SPTBN4: variants seen among roughly 807,000 people sequenced by gnomAD.
SPTBN4 encodes the protein spectrin beta chain, non-erythrocytic 4.
Under a neutral mutation model 277.8 loss-of-function variants are expected in SPTBN4, and 96 were observed. The ratio of observed to expected loss-of-function variants is 0.35; its 90% confidence interval spans 0.29 to 0.41. The LOEUF is 0.41. Among genes scored for constraint, SPTBN4 ranks in the 10% least tolerant of loss-of-function variants. The probability of loss-of-function intolerance (pLI) is 1.00; values close to 1 mark genes in which losing one functional copy is unlikely to be tolerated. For synonymous variants in SPTBN4, 1,481 were observed against 1,580.3 expected, an observed-to-expected ratio of 0.94 and a Z score of 1.49; for missense variants, 3,006 against 3,595.7, an observed-to-expected ratio of 0.84 and a Z score of 4.19.
rs1054150087 is a variant in SPTBN4, at chr19:40,530,554, C to T, written c.3948+1423C>T. The T allele has an allele frequency of 9.7e-5, 95 of 980,668 alleles. No individual in the cohort carries two copies. In the African/African-American group the frequency reaches 1.5e-3, roughly 15 times the overall value. The allele number at this position is 980,668 out of a possible 1,614,324, so 60.7% of individuals were successfully genotyped here. ...TGAGGGGCGAGCACCCGCCCGCCCG[C>T]TGCAGGGACGCCCCGCCAACGCCAC... On this transcript the variant is annotated intron_variant, in intron 18 of 35. Coordinates refer to ENST00000598249, the MANE Select transcript of SPTBN4 (RefSeq NM_020971.3).
chr19:40,506,478 G>A (rs920748317), intron 13 of SPTBN4, 92 bp downstream of exon 13: 1 of 1,482,146 alleles, frequency 6.7e-7, no homozygotes, highest in African/African-American at 1.4e-5. Context: ...GAAGGAAAGA[G>A]TGAGCTCCTT....
chr19:40,565,290 A>T, intron 27 of SPTBN4, 133 bp from the exon 28 acceptor site: 2 of 1,183,074 alleles, frequency 1.7e-6, no homozygotes, highest in Non-Finnish European at 2.4e-6. Context: ...AGAAAAGAAA[A>T]GAAAAGAAAG....
intron 27 of SPTBN4, among the ~76,000 whole-genome samples, chr19:40,562,350 C>T (rs191174552): frequency 4.6e-5 from 7 of 151,282 alleles, no homozygotes; most frequent in Admixed American, 1.3e-4. Context: ...GCCAATGTGG[C>T]GAAACCCCGC....
chr19:40,510,920 G>A (rs1364885477), intron 13 of SPTBN4, among the ~76,000 whole-genome samples: 3 of 152,170 alleles, frequency 2.0e-5, no homozygotes, highest in Non-Finnish European at 4.4e-5. Flanking sequence ...AGGAAGCTGA[G>A]GCGGGAGGAT....
intron 5 of SPTBN4, among the ~76,000 whole-genome samples, chr19:40,494,268 A>G (rs2080170040): frequency 1.3e-5 from 2 of 151,632 alleles, no homozygotes; most frequent in African/African-American, 4.8e-5. Context: ...CTATCTCTAT[A>G]TCTGCTTTTC....
chr19:40,548,605 C>G (rs1046674614), intron 20 of SPTBN4, among the ~76,000 whole-genome samples: 3 of 151,936 alleles, frequency 2.0e-5, no homozygotes, highest in East Asian at 1.9e-4. Flanking sequence ...ATCCCAGCTA[C>G]TCAGGAGGCT....
At chr19:40,574,353 T>A (rs981271498) in intron 35 of SPTBN4, among the ~76,000 whole-genome samples, 1 of 151,430 alleles carries the variant, frequency 6.6e-6, no homozygotes, top group Non-Finnish European at 1.5e-5. Context: ...CAAGATGCAA[T>A]GAAGAAGTGG....
At position 40,575,767 on chromosome 19, in the gene SPTBN4, C is replaced by A; in HGVS notation, c.*198C>A. 1 of 577,520 alleles carries A rather than the reference C, an allele frequency of 1.7e-6. No homozygotes were observed. Among genetic ancestry groups the A allele is most frequent in the Non-Finnish European group, 2.8e-6 (1 of 362,056 alleles). The allele number at this position is 577,520 out of a possible 1,614,324, so 35.8% of individuals were successfully genotyped here. On this transcript the variant is annotated 3_prime_UTR_variant, in exon 36 of 36. Transcript: ENST00000598249. ...GAGATTGCTGCCCCTATAGCCATAT[C>A]TCGGCCCCTTCCCACTCACCACCCC...
chr19:40,552,478 T>TAA (rs1233536208), intron 22 of SPTBN4, among the ~76,000 whole-genome samples: 1 of 137,420 alleles, frequency 7.3e-6, no homozygotes, highest in Non-Finnish European at 1.6e-5. Flanking sequence ...AAAAAAAGAT[T>TAA]AAAAAAAAAA....
intron 5 of SPTBN4, among the ~76,000 whole-genome samples, chr19:40,493,554 C>T (rs954725211): frequency 2.6e-5 from 4 of 151,902 alleles, no homozygotes; most frequent in Non-Finnish European, 4.4e-5. Flanking sequence ...TTGTTGTTGT[C>T]GTTGTTGTTT....
Position 40,472,720 on chromosome 19 carries a change from G to C in SPTBN4, c.99G>C (p.Glu33Asp). 6.2e-7 allele frequency: 1 copy of C among 1,610,870 alleles called. No individual in the cohort carries two copies. The highest frequency in any genetic ancestry group is 1.1e-5 in the South Asian group (1 of 90,574). Residue 33 changes from glutamate to aspartate, a missense_variant, in exon 2 of 36, where the codon GAG becomes GAC. Physicochemically the swap from Glu to Asp is conservative, Grantham distance 45. Transcript: ENST00000598249. ...GGGAGAGTCCGGATCGGGGCTGGGA[G>C]CGGGAGCAGCCGGCTGCGTCCACCG... The part of the protein sequence containing the change: ...ARWESPDRGW[E>D]REQPAASTAA...
At chr19:40,473,374 T>TTTTTTA (rs2079909466) in intron 2 of SPTBN4, among the ~76,000 whole-genome samples, 2 of 146,766 alleles carry the variant, frequency 1.4e-5, no homozygotes, top group African/African-American at 2.5e-5. Context: ...TTTTTTTTTT[T>TTTTTTA]GAGACGGAGT....
At chr19:40,522,348 ATTT>A (rs567161952) in intron 16 of SPTBN4, among the ~76,000 whole-genome samples, 18,966 of 117,566 alleles carry the variant, frequency 0.16, 1,901 homozygotes, top group African/African-American at 0.32. Flanking sequence ...ATAGTAACCA[ATTT>A]TTTTTTTTTT....
Position 40,540,323 on chromosome 19 carries a change from T to C in SPTBN4, c.4359+5980T>C, listed in dbSNP as rs545045726. Among the ~76,000 whole-genome samples the C allele has an allele frequency of 3.3e-5, 5 of 152,304 alleles. No homozygotes were observed. The East Asian group carries it at 7.7e-4, about 24-fold the overall frequency. ...TTTCACCTTCCCTTTGGTTGTTACTTATGTGATACACGGTTACTTCATTTG... is the reference window on the plus strand; with the variant it reads ...TTTCACCTTCCCTTTGGTTGTTACTCATGTGATACACGGTTACTTCATTTG... On this transcript the variant is annotated intron_variant, in intron 20 of 35. Coordinates refer to ENST00000598249, the MANE Select transcript of SPTBN4 (RefSeq NM_020971.3).
intron 13 of SPTBN4, among the ~76,000 whole-genome samples, chr19:40,511,131 C>T (rs990003536): frequency 3.9e-5 from 6 of 151,928 alleles, no homozygotes; most frequent in Non-Finnish European, 7.4e-5. Flanking sequence ...CCAGGCTGGG[C>T]GCGGTGGCTC....
chr19:40,493,601 A>G (rs964848533), intron 5 of SPTBN4, among the ~76,000 whole-genome samples: 1 of 152,002 alleles, frequency 6.6e-6, no homozygotes, highest in Non-Finnish European at 1.5e-5. Flanking sequence ...CTGTAGTCGT[A>G]GCTTCTCAGG....
At chr19:40,540,743 G>A (rs137863078) in intron 20 of SPTBN4, among the ~76,000 whole-genome samples, 119 of 145,832 alleles carry the variant, frequency 8.2e-4, no homozygotes, top group African/African-American at 2.8e-3. Context: ...GAGCCCAGGA[G>A]GTTGAAGCTG....
At position 40,519,721 on chromosome 19, in the gene SPTBN4, G is replaced by A; in HGVS notation, c.3224G>A (p.Ser1075Asn). Residue 1075 changes from serine to asparagine, a missense_variant, in exon 16 of 36, where the codon AGC becomes AAC. This residue lies in a region of SPTBN4 where 1,759 missense variants were observed against 2,061.5 expected (regional missense o/e 0.85). Transcript: ENST00000598249. This position sits in a 1 kb window ranked among gnomAD's most constrained non-coding sequence, Gnocchi z 5.7. ...ELGAEWGALA[S>N]AAQACGEAVA... ...GGCGCCGAGTGGGGCGCGCTAGCTA[G>A]CGCGGCTCAGGCCTGCGGCGAGGCG... The A allele has an allele frequency of 2.1e-6, 3 of 1,398,474 alleles. No homozygotes were observed. The South Asian group carries it at 4.8e-5, about 22-fold the overall frequency. The allele number at this position is 1,398,474 out of a possible 1,614,324, so 86.6% of individuals were successfully genotyped here.
chr19:40,532,918 A>G (rs1382552181), intron 19 of SPTBN4, 147 bp downstream of exon 19: 8 of 1,032,560 alleles, frequency 7.7e-6, no homozygotes, highest in South Asian at 2.2e-5. Context: ...GCTCCTAGCT[A>G]TGTGGCTTTG....
Sources: gnomAD v4.1 joint callset for allele counts (sites outside exome capture counted in the v4.1 genomes callset) on GRCh38, gnomAD v4.1.1 for gene constraint, gnomAD v4.1.1 regional missense constraint, Gnocchi (gnomAD v3.1) non-coding constraint, MANE v1.5 for transcripts, NCBI Gene and HGNC (gene_info 2026-07-23, HGNC 2026-07-21) for gene names.